FAF1: variants seen among roughly 807,000 people sequenced by gnomAD.
FAF1 encodes the protein FAS-associated factor 1.
In FAF1, 25 loss-of-function variants were observed where a neutral mutation model predicts 92.5. The ratio of observed to expected loss-of-function variants is 0.27; its 90% CI spans 0.20 to 0.38. FAF1 has a LOEUF of 0.38. FAF1 is among the 10% of genes least tolerant of loss of function. FAF1 has a pLI of 1.00. For missense variants in FAF1, 636 were observed against 793.3 expected, an observed-to-expected ratio of 0.80 and a Z score of 2.38; for synonymous variants, 234 against 273.2, an observed-to-expected ratio of 0.86 and a Z score of 1.42.
intron 8 of FAF1, among the ~76,000 whole-genome samples, chr1:50,648,718 GA>G (rs759365126): frequency 2.6e-5 from 4 of 152,138 alleles, no homozygotes; most frequent in Non-Finnish European, 5.9e-5. Context: ...CCTGAGGTAG[GA>G]AGTTCAAGAC....
Position 50,692,970 on chromosome 1 carries a change from T to C in FAF1, c.657+12816A>G, listed in dbSNP as rs12097904. 2.5e-3 allele frequency among the ~76,000 whole-genome samples: 376 copies of C among 152,336 alleles called. 3 individuals are homozygous for C. The highest frequency in any genetic ancestry group is 8.6e-3 in the African/African-American group (356 of 41,576). On this transcript the variant is annotated intron_variant, in intron 7 of 18. Transcript: ENST00000396153. ...TCTTCATATATCCTAGATACAAGTC[T>C]CTTATCAATATACAATTTGGAAATA...
chr1:50,548,118 C>T (rs1410257785), intron 13 of FAF1, among the ~76,000 whole-genome samples: 5 of 152,140 alleles, frequency 3.3e-5, no homozygotes, highest in Admixed American at 3.3e-4. Flanking sequence ...AACATTTCTT[C>T]TGTGTTTTTG....
intron 1 of FAF1, among the ~76,000 whole-genome samples, chr1:50,940,691 G>C (rs578153823): frequency 1.5e-4 from 23 of 152,228 alleles, no homozygotes; most frequent in African/African-American, 5.3e-4. Context: ...ATTATTTACA[G>C]GTACTTTCAG....
At chr1:50,772,080 T>TA (rs1660793686) in intron 4 of FAF1, among the ~76,000 whole-genome samples, 1 of 152,158 alleles carries the variant, frequency 6.6e-6, no homozygotes, top group Non-Finnish European at 1.5e-5. Context: ...AAATTGTAGA[T>TA]GTTGCTCAAC....
At chr1:50,909,102 TGTAAGG>T (rs531810438) in intron 1 of FAF1, among the ~76,000 whole-genome samples, 82 of 152,308 alleles carry the variant, frequency 5.4e-4, no homozygotes, top group African/African-American at 1.9e-3. Flanking sequence ...TTTGCTTGTC[TGTAAGG>T]GATTTTATTT....
intron 8 of FAF1, among the ~76,000 whole-genome samples, chr1:50,641,019 A>T (rs1405467102): frequency 6.6e-6 from 1 of 151,508 alleles, no homozygotes; most frequent in African/African-American, 2.4e-5. Context: ...TTTTTAGTAG[A>T]GATGGGGTTT....
At chr1:50,544,178 A>G (rs1177761267) in intron 13 of FAF1, among the ~76,000 whole-genome samples, 1 of 152,202 alleles carries the variant, frequency 6.6e-6, no homozygotes, top group African/African-American at 2.4e-5. Context: ...AGGTTCCCAT[A>G]TGAGTTTCGG....
Position 50,861,560 on chromosome 1 carries a change from T to C in FAF1, c.46-3563A>G, listed in dbSNP as rs993854490. ...CTGGAGACTCCAAAATGTGGCAGGGTAGGAGGTAGTAAGGGACAAAAATGC... is the reference window on the plus strand; with the variant it reads ...CTGGAGACTCCAAAATGTGGCAGGGCAGGAGGTAGTAAGGGACAAAAATGC... On this transcript the variant is annotated intron_variant, in intron 1 of 18. Coordinates refer to ENST00000396153, the MANE Select transcript of FAF1 (RefSeq NM_007051.3). 2.0e-5 allele frequency among the ~76,000 whole-genome samples: 3 copies of C among 151,588 alleles called. No individual in the cohort carries two copies. The South Asian group carries it at 6.2e-4, about 32-fold the overall frequency.
rs997252043 is a variant in FAF1, at chr1:50,863,661, C to T, written c.46-5664G>A. On this transcript the variant is annotated intron_variant, in intron 1 of 18. Transcript: ENST00000396153. ...TCATCAAGGATATTGGTCTAAAATC[C>T]TCTTTTTTTGGTTGTGTCTCTGCCC... 3.6e-4 allele frequency among the ~76,000 whole-genome samples: 54 copies of T among 151,970 alleles called. 1 individual carries two copies. Among genetic ancestry groups the T allele is most frequent in the African/African-American group, 1.3e-3 (54 of 41,396 alleles).
At chr1:50,557,854 A>C (rs1260116965) in intron 13 of FAF1, among the ~76,000 whole-genome samples, 1 of 152,142 alleles carries the variant, frequency 6.6e-6, no homozygotes, top group African/African-American at 2.4e-5. Context: ...CAAGAAGAAA[A>C]GCAAAATACA....
At chr1:50,885,312 T>TCTCTCTCTCTCTCTCTCTCTCC in intron 1 of FAF1, among the ~76,000 whole-genome samples, 1 of 137,370 alleles carries the variant, frequency 7.3e-6, no homozygotes, top group Non-Finnish European at 1.6e-5. Context: ...TCTCTCTCTC[T>TCTCTCTCTCTCTCTCTCTCTCC]CACACACACA....
At chr1:50,573,131 A>T (rs1471990261) in intron 12 of FAF1, among the ~76,000 whole-genome samples, 1 of 149,722 alleles carries the variant, frequency 6.7e-6, no homozygotes, top group Non-Finnish European at 1.5e-5. Flanking sequence ...TTTGAGACAG[A>T]GTGTTGCTCT....
At chr1:50,819,922 AT>A (rs540452834) in intron 2 of FAF1, among the ~76,000 whole-genome samples, 192 of 148,828 alleles carry the variant, frequency 1.3e-3, no homozygotes, top group African/African-American at 4.3e-3. Flanking sequence ...ATAAATAAAT[AT>A]TTTTCCACTT....
chr1:50,464,727 T>C (rs1231803089), intron 18 of FAF1, among the ~76,000 whole-genome samples: 2 of 152,264 alleles, frequency 1.3e-5, no homozygotes, highest in South Asian at 2.1e-4. Context: ...ATTTTCATTA[T>C]CACTTTTGAT....
chr1:50,683,536 A>G (rs1235558505), intron 7 of FAF1, among the ~76,000 whole-genome samples: 2 of 152,106 alleles, frequency 1.3e-5, no homozygotes, highest in African/African-American at 4.8e-5. Context: ...CATTAAAAAA[A>G]AAAAAAATTA....
chr1:50,772,355 A>G (rs1660804731), intron 4 of FAF1, among the ~76,000 whole-genome samples: 1 of 152,188 alleles, frequency 6.6e-6, no homozygotes, highest in Non-Finnish European at 1.5e-5. Flanking sequence ...GGGTATATAC[A>G]CAAAGGAACA....
chr1:50,459,269 T>C lies in FAF1; in HGVS notation c.1869+16195A>G, dbSNP rs1270262115. Among the ~76,000 whole-genome samples, 4 of 152,236 alleles carry C rather than the reference T, an allele frequency of 2.6e-5. No homozygotes were observed. In the South Asian group the frequency reaches 8.3e-4, roughly 32 times the overall value. On this transcript the variant is annotated intron_variant, in intron 18 of 18. Coordinates refer to ENST00000396153, the MANE Select transcript of FAF1 (RefSeq NM_007051.3). ...GATTACAGGTATGAGCCACCATGCC[T>C]GGCCCAGAACTCAGTCTTTTAACTA... is the stretch of plus-strand genomic sequence containing the variant.
Position 50,705,898 on chromosome 1 carries a change from G to A in FAF1, c.552-7C>T, listed in dbSNP as rs1657656046. The A allele has an allele frequency of 6.4e-7, 1 of 1,570,428 alleles. No homozygotes were observed. Among genetic ancestry groups the A allele is most frequent in the African/African-American group, 1.4e-5 (1 of 73,542 alleles). ...TAATGACTCCTGCAGGGCACTGAAA[G>A]GGTTGAAAGAAAAACAAGGAACTCA... On this transcript the variant is annotated splice_region_variant and splice_polypyrimidine_tract_variant and intron_variant, in intron 6 of 18. Transcript: ENST00000396153.
intron 4 of FAF1, among the ~76,000 whole-genome samples, chr1:50,770,770 A>G (rs1660748337): frequency 6.6e-6 from 1 of 152,218 alleles, no homozygotes; most frequent in Non-Finnish European, 1.5e-5. Flanking sequence ...TTCATATGGA[A>G]CCAAAAAGGA....
Sources: gnomAD v4.1 joint callset for allele counts (sites outside exome capture counted in the v4.1 genomes callset) on GRCh38, gnomAD v4.1.1 for gene constraint, MANE v1.5 for transcripts, NCBI Gene and HGNC (gene_info 2026-07-23, HGNC 2026-07-21) for gene names.